LCTL: variants seen among roughly 807,000 people sequenced by gnomAD.
The protein encoded by LCTL is lactase-like protein.
In LCTL, 76 loss-of-function variants were observed where a neutral mutation model predicts 75.8. The ratio of observed to expected loss-of-function variants is 1.00; its 90% confidence interval spans 0.83 to 1.21. The LOEUF (loss-of-function observed/expected upper bound fraction) is 1.21, where lower values mean the gene tolerates loss of function less well. Among genes scored for constraint, LCTL ranks in the 50% most tolerant of loss-of-function variants. The pLI, the probability that LCTL is intolerant of heterozygous loss-of-function variation, is 0.00. For missense variants in LCTL, 670 were observed against 712.4 expected, an observed-to-expected ratio of 0.94 and a Z score of 0.68; for synonymous variants, 271 against 268.8, an observed-to-expected ratio of 1.01 and a Z score of -0.08.
At chr15:66,556,226 A>T (rs1895735373) in intron 8 of LCTL, among the ~76,000 whole-genome samples, 1 of 152,338 alleles carries the variant, frequency 6.6e-6, no homozygotes, top group African/African-American at 2.4e-5. Context: ...ATTATTCACA[A>T]TAGCTAAACA....
chr15:66,550,138 T>C, intron 11 of LCTL, 34 bp from the exon 13 acceptor site: 2 of 1,376,028 alleles, frequency 1.5e-6, no homozygotes, highest in Non-Finnish European at 2.0e-6. Flanking sequence ...TAATGTTGTC[T>C]TAGACTAATT....
At chr15:66,552,129 C>T in exon 10 of LCTL, 1 of 1,613,368 alleles carries the variant, frequency 6.2e-7, no homozygotes, top group African/African-American at 1.3e-5. Context: ...TTGAGATGCT[C>T]CATTTTCCAT....
exon 4 of LCTL, chr15:66,563,572 G>A: frequency 6.2e-7 from 1 of 1,612,718 alleles, no homozygotes; most frequent in Non-Finnish European, 8.5e-7. Context: ...CTGCTCAGAA[G>A]GGCATCGATA....
At chr15:66,565,343 G>C (rs1283364074) in exon 1 of LCTL, 1 of 1,612,774 alleles carries the variant, frequency 6.2e-7, no homozygotes, top group East Asian at 2.2e-5. Context: ...CCACAGAAGG[G>C]TGGCGACCCA....
At chr15:66,565,672 T>C (rs1896008347), upstream of LCTL, among the ~76,000 whole-genome samples, 1 of 152,096 alleles carries the variant, frequency 6.6e-6, no homozygotes, top group Admixed American at 6.5e-5. Flanking sequence ...GGAAACCACG[T>C]CTACCTCAGG....
intron 1 of LCTL, 110 bp from the exon 3 acceptor site, chr15:66,564,949 G>T: frequency 2.9e-6 from 3 of 1,024,500 alleles, no homozygotes; most frequent in Non-Finnish European, 2.9e-6. Flanking sequence ...CTACCACGCT[G>T]CCCCTGTCCC....
exon 1 of LCTL, chr15:66,565,469 G>A: frequency 1.5e-6 from 1 of 683,932 alleles, no homozygotes; most frequent in Non-Finnish European, 2.5e-6. Flanking sequence ...GCCAAGTGGG[G>A]AGAGGAAGGG....
At chr15:66,563,587 C>T (rs146930528) in exon 4 of LCTL, 1 of 1,612,640 alleles carries the variant, frequency 6.2e-7, no homozygotes, top group Non-Finnish European at 8.5e-7. Context: ...TCGATAAGAT[C>T]ACTGTAGAAT....
exon 4 of LCTL, chr15:66,563,542 T>C: frequency 6.2e-7 from 1 of 1,612,184 alleles, no homozygotes; most frequent in Non-Finnish European, 8.5e-7. Context: ...TGGTGCAAGG[T>C]CACGATGGGA....
upstream of LCTL, chr15:66,565,740 A>G: frequency 5.1e-6 from 1 of 197,646 alleles, no homozygotes; most frequent in South Asian, 1.2e-4. Flanking sequence ...GGCTCTCCCA[A>G]CGACACGCAG....
intron 6 of LCTL, 22 bp downstream of exon 7, chr15:66,560,984 C>T (rs773120099): frequency 2.5e-6 from 4 of 1,611,282 alleles, no homozygotes; most frequent in Non-Finnish European, 2.5e-6. Flanking sequence ...GGCTGTTCCT[C>T]CACCAGAAGG....
At chr15:66,564,556 C>G in intron 2 of LCTL, 120 bp downstream of exon 3, 1 of 1,194,010 alleles carries the variant, frequency 8.4e-7, no homozygotes, top group Non-Finnish European at 1.2e-6. Context: ...TTTGGCAGAG[C>G]ATGGGGATGA....
At chr15:66,565,601 C>A, upstream of LCTL, 3 of 497,260 alleles carry the variant, frequency 6.0e-6, no homozygotes, top group Non-Finnish European at 7.0e-6. Flanking sequence ...TTCTCCCTAC[C>A]TTGGCTCCTG....
At chr15:66,557,042 C>T (rs1595706422) in intron 8 of LCTL, among the ~76,000 whole-genome samples, 1 of 152,080 alleles carries the variant, frequency 6.6e-6, no homozygotes. Context: ...GATGCGATGC[C>T]TGGGGTTGCT....
intron 9 of LCTL, among the ~76,000 whole-genome samples, chr15:66,552,462 G>C (rs751186639): frequency 6.6e-6 from 1 of 152,040 alleles, no homozygotes; most frequent in Admixed American, 6.6e-5. Flanking sequence ...CCTAAGGTCA[G>C]GAGTTTGAGA....
intron 4 of LCTL, among the ~76,000 whole-genome samples, chr15:66,563,211 ACTGGGGCCTC>A (rs1424644612): frequency 1.3e-5 from 2 of 152,192 alleles, no homozygotes; most frequent in Non-Finnish European, 2.9e-5. Context: ...GGAAGCAGAG[ACTGGGGCCTC>A]ACCAGAGTCT....
At chr15:66,561,370 G>A (rs1895885006) in intron 4 of LCTL, 55 bp from the exon 6 acceptor site, 2 of 1,605,840 alleles carry the variant, frequency 1.2e-6, no homozygotes, top group Admixed American at 1.7e-5. Flanking sequence ...CGGTTTAAAT[G>A]TGGAGATAAG....
chr15:66,550,792 T>C (rs1895571221), intron 11 of LCTL, among the ~76,000 whole-genome samples: 1 of 152,048 alleles, frequency 6.6e-6, no homozygotes, highest in African/African-American at 2.4e-5. Flanking sequence ...ACACTCGAGA[T>C]TACAGTTTAT....
chr15:66,558,319 A>G (rs1397703323), intron 6 of LCTL, among the ~76,000 whole-genome samples: 1 of 152,198 alleles, frequency 6.6e-6, no homozygotes, highest in Non-Finnish European at 1.5e-5. Flanking sequence ...CTTAGTCCTC[A>G]GTAGCAACTA....
Sources: gnomAD v4.1 joint callset for allele counts (sites outside exome capture counted in the v4.1 genomes callset) on GRCh38, gnomAD v4.1.1 for gene constraint, MANE v1.5 for transcripts, NCBI Gene and HGNC (gene_info 2026-07-23, HGNC 2026-07-21) for gene names.